Variants in PRKACB observed in about 807,000 individuals in gnomAD.
The protein encoded by PRKACB is protein kinase cAMP-activated catalytic subunit beta.
Under a neutral mutation model 51.4 loss-of-function variants are expected in PRKACB, and 16 were observed. The observed-to-expected ratio is 0.31, with a 90% CI of 0.21 to 0.47. The LOEUF (loss-of-function observed/expected upper bound fraction) is 0.47, where lower values mean the gene tolerates loss of function less well. Among genes scored for constraint, PRKACB ranks in the 20% least tolerant of loss-of-function variants. The probability of loss-of-function intolerance (pLI) is 1.00; values close to 1 mark genes in which losing one functional copy is unlikely to be tolerated. For synonymous variants in PRKACB, 147 were observed against 154.4 expected, an observed-to-expected ratio of 0.95 and a Z score of 0.35; for missense variants, 309 against 464.5, an observed-to-expected ratio of 0.67 and a Z score of 3.08.
At chr1:84,179,880 G>A (rs1662628783) in intron 2 of PRKACB, among the ~76,000 whole-genome samples, 1 of 150,950 alleles carries the variant, frequency 6.6e-6, no homozygotes, top group Non-Finnish European at 1.5e-5. Flanking sequence ...ATATGCCATG[G>A]TGGTTGCTGC....
At chr1:84,195,770 G>A (rs181260596) in intron 5 of PRKACB, among the ~76,000 whole-genome samples, 11 of 151,970 alleles carry the variant, frequency 7.2e-5, no homozygotes, top group East Asian at 3.9e-4. Flanking sequence ...AAAATTAGCC[G>A]GGCATGGTGG....
chr1:84,210,833 C>T lies in PRKACB; in HGVS notation c.907-3320C>T, dbSNP rs138732538. Among the ~76,000 whole-genome samples, 482 of 152,146 alleles carry T rather than the reference C, an allele frequency of 3.2e-3. 3 individuals are homozygous for T. Among genetic ancestry groups the T allele is most frequent in the African/African-American group, 0.011 (457 of 41,512 alleles). On this transcript the variant is annotated intron_variant, in intron 8 of 9. Transcript: ENST00000370685. ...TTTCACTAATTCCAGTTTGATAAAT[C>T]AACATGACTCTTTGAAAAGTTCAGT... is the stretch of plus-strand genomic sequence containing the variant.
At chr1:84,175,733 C>CT (rs369090921) in intron 1 of PRKACB, 7,882 of 1,234,194 alleles carry the variant, frequency 6.4e-3, no homozygotes, top group South Asian at 0.011. Context: ...AATTGTCTCT[C>CT]TTTTTTTTTT....
intron 1 of PRKACB, among the ~76,000 whole-genome samples, chr1:84,114,746 G>C (rs1176390137): frequency 6.6e-6 from 1 of 151,936 alleles, no homozygotes; most frequent in Non-Finnish European, 1.5e-5. Context: ...TCCTTCATGG[G>C]ATCAAATATT....
chr1:84,191,878 A>G (rs1448636921), intron 5 of PRKACB, among the ~76,000 whole-genome samples: 1 of 152,154 alleles, frequency 6.6e-6, no homozygotes, highest in Non-Finnish European at 1.5e-5. Flanking sequence ...AATTTATCAA[A>G]GATGTACTTA....
chr1:84,177,968 A>G (rs1661915788), intron 1 of PRKACB, among the ~76,000 whole-genome samples: 3 of 152,074 alleles, frequency 2.0e-5, no homozygotes, highest in Admixed American at 6.6e-5. Context: ...TACAAAGGAC[A>G]GTTTATAGAA....
chr1:84,164,468 T>C (rs774658133), intron 1 of PRKACB: 7 of 1,550,418 alleles, frequency 4.5e-6, no homozygotes, highest in East Asian at 2.4e-5. Flanking sequence ...CTTTGAAAGA[T>C]GTAAAAAGCG....
At chr1:84,119,475 T>A (rs1650884407) in intron 1 of PRKACB, among the ~76,000 whole-genome samples, 1 of 152,130 alleles carries the variant, frequency 6.6e-6, no homozygotes, top group African/African-American at 2.4e-5. Flanking sequence ...TTTCAAAGAA[T>A]GGCAATTACA....
intron 1 of PRKACB, among the ~76,000 whole-genome samples, chr1:84,132,978 A>C (rs923521756): frequency 1.3e-5 from 2 of 152,174 alleles, no homozygotes; most frequent in Non-Finnish European, 2.9e-5. Context: ...ATGGCCAAGA[A>C]TGTTACAAAA....
At position 84,237,010 on chromosome 1, in the gene PRKACB, T is replaced by C. The variant is rs1469653820; in HGVS notation, c.*1705T>C. ...ATCTGTACCACACCCTGGTGAAACCTTTGAAGACATAAAAAAAACCTGTCT... is the reference window on the plus strand; with the variant it reads ...ATCTGTACCACACCCTGGTGAAACCCTTGAAGACATAAAAAAAACCTGTCT... On this transcript the variant is annotated 3_prime_UTR_variant, in exon 10 of 10. Transcript: ENST00000370685. 6.6e-6 allele frequency: 1 copy of C among 152,190 alleles called. No individual in the cohort carries two copies. Among genetic ancestry groups the C allele is most frequent in the Non-Finnish European group, 1.5e-5 (1 of 68,014 alleles). 9.4% of individuals were successfully genotyped at this position (152,190 alleles called of 1,614,324 possible). A position where few individuals can be genotyped will look rare whatever the true frequency, so the allele number is the denominator to read the frequency against.
At chr1:84,196,429 G>A (rs940393716) in intron 5 of PRKACB, among the ~76,000 whole-genome samples, 187 bp from the exon 6 acceptor site, 3 of 152,070 alleles carry the variant, frequency 2.0e-5, no homozygotes, top group Admixed American at 6.6e-5. Flanking sequence ...TTATCAGAGC[G>A]TTATTTGAAC....
At chr1:84,091,794 C>G (rs1349104575) in intron 1 of PRKACB, among the ~76,000 whole-genome samples, 1 of 152,146 alleles carries the variant, frequency 6.6e-6, no homozygotes, top group Non-Finnish European at 1.5e-5. Flanking sequence ...CGTAAGCCAC[C>G]ACAACCTTCT....
intron 1 of PRKACB, among the ~76,000 whole-genome samples, chr1:84,090,930 C>A (rs1233596744): frequency 2.0e-5 from 3 of 152,048 alleles, no homozygotes; most frequent in African/African-American, 7.2e-5. Flanking sequence ...ACTTTGGATC[C>A]CAACCCCTCC....
chr1:84,222,392 A>G (rs1203631086), intron 9 of PRKACB, among the ~76,000 whole-genome samples: 1 of 152,118 alleles, frequency 6.6e-6, no homozygotes, highest in Non-Finnish European at 1.5e-5. Flanking sequence ...CATATCTTTT[A>G]AGTAGATATC....
At chr1:84,082,755 G>T (rs1647650349) in intron 1 of PRKACB, among the ~76,000 whole-genome samples, 1 of 152,134 alleles carries the variant, frequency 6.6e-6, no homozygotes, top group Admixed American at 6.6e-5. Context: ...CTGAGAAACT[G>T]AATCTTTAAC....
At chr1:84,179,103 T>C (rs1050472585) in intron 1 of PRKACB, 74 bp from the exon 2 acceptor site, 2 of 1,425,178 alleles carry the variant, frequency 1.4e-6, no homozygotes, top group African/African-American at 2.9e-5. Flanking sequence ...GAAAACCATA[T>C]GCAATATAAA....
chr1:84,205,576 ATT>A (rs1055824769), intron 8 of PRKACB: 7 of 152,052 alleles, frequency 4.6e-5, no homozygotes, highest in African/African-American at 1.7e-4. Flanking sequence ...AGCATCTTAT[ATT>A]GATTATATCC....
intron 1 of PRKACB, among the ~76,000 whole-genome samples, chr1:84,110,520 G>A (rs2812452): frequency 0.2 from 30,742 of 151,588 alleles, 3,328 homozygotes; most frequent in South Asian, 0.29. Flanking sequence ...AATTAGTAGG[G>A]TAACACACTG....
At chr1:84,231,706 C>G (rs1010932451) in intron 9 of PRKACB, among the ~76,000 whole-genome samples, 4 of 151,896 alleles carry the variant, frequency 2.6e-5, no homozygotes, top group African/African-American at 4.8e-5. Flanking sequence ...AGTTTATTTG[C>G]GTAGAGGTGT....
Sources: gnomAD v4.1 joint callset for allele counts (sites outside exome capture counted in the v4.1 genomes callset) on GRCh38, gnomAD v4.1.1 for gene constraint, MANE v1.5 for transcripts, NCBI Gene and HGNC (gene_info 2026-07-23, HGNC 2026-07-21) for gene names.